Variants in XPO7 observed in about 807,000 individuals in gnomAD.
The protein encoded by XPO7 is exportin-7.
XPO7 carries 21 observed loss-of-function variants against 144.3 expected under a neutral mutation model. The ratio of observed to expected loss-of-function variants is 0.15; its 90% CI spans 0.10 to 0.21. The LOEUF (loss-of-function observed/expected upper bound fraction) is 0.21, where lower values mean the gene tolerates loss of function less well. Among genes scored for constraint, XPO7 ranks in the 10% least tolerant of loss-of-function variants. The pLI is 1.00. For synonymous variants in XPO7, 580 were observed against 499.6 expected (o/e 1.16, Z -2.15); for missense variants, 808 against 1,325.8 (o/e 0.61, Z 6.06).
chr8:21,930,898 A>G (rs777454014), intron 1 of XPO7, among the ~76,000 whole-genome samples: 7 of 152,114 alleles, frequency 4.6e-5, no homozygotes, highest in Non-Finnish European at 7.4e-5. Flanking sequence ...CAGTGTTGCG[A>G]TCTCCGATCT....
At chr8:21,975,695 G>A (rs1812203113) in intron 6 of XPO7, among the ~76,000 whole-genome samples, 1 of 152,198 alleles carries the variant, frequency 6.6e-6, no homozygotes, top group Admixed American at 6.5e-5. Context: ...CCCGCTGGAG[G>A]GGAAAAGCTT....
chr8:21,937,243 G>A (rs1666780714), intron 1 of XPO7, among the ~76,000 whole-genome samples: 1 of 152,162 alleles, frequency 6.6e-6, no homozygotes, highest in South Asian at 2.1e-4. Context: ...AAATGAATCA[G>A]TCTTATTTGG....
At chr8:21,941,007 G>A (rs1408832837) in intron 1 of XPO7, among the ~76,000 whole-genome samples, 1 of 152,144 alleles carries the variant, frequency 6.6e-6, no homozygotes, top group Admixed American at 6.5e-5. Context: ...GTAAATTACA[G>A]TCATGCCTTG....
chr8:21,953,838 C>A (rs1279813312), intron 1 of XPO7, among the ~76,000 whole-genome samples: 1 of 152,038 alleles, frequency 6.6e-6, no homozygotes, highest in African/African-American at 2.4e-5. Context: ...ATCTTTTTGA[C>A]TTTTTTAATT....
chr8:21,970,201 A>G lies in XPO7; in HGVS notation c.317A>G (p.Gln106Arg). The G allele has an allele frequency of 6.2e-7, 1 of 1,613,820 alleles. No homozygotes were observed. The highest frequency in any genetic ancestry group is 1.1e-5 in the South Asian group (1 of 91,076). ...CCGAAGTTGGCTACTTTCGTGACAC[A>G]AGCACTTATTCAGTTATATGCCAGA... is the stretch of plus-strand genomic sequence containing the variant. ...TRPKLATFVT[Q>R]ALIQLYARIT... The change falls in exon 4 of 28, where the codon CAA (glutamine) becomes CGA (arginine). Residue 106 changes from glutamine (Q) to arginine (R), a missense_variant. Transcript: ENST00000252512.
chr8:21,969,005 A>C (rs1320269412), intron 2 of XPO7, among the ~76,000 whole-genome samples: 1 of 152,224 alleles, frequency 6.6e-6, no homozygotes, highest in Non-Finnish European at 1.5e-5. Context: ...GAAAGATACA[A>C]TTTGGAGACA....
intron 1 of XPO7, among the ~76,000 whole-genome samples, chr8:21,939,422 T>C (rs1363172208): frequency 6.6e-6 from 1 of 152,142 alleles, no homozygotes; most frequent in Non-Finnish European, 1.5e-5. Flanking sequence ...AGTTTCTCCA[T>C]GTTGGTCAAG....
chr8:21,959,116 A>AC, intron 1 of XPO7, among the ~76,000 whole-genome samples: 1 of 152,236 alleles, frequency 6.6e-6, no homozygotes, highest in Non-Finnish European at 1.5e-5. Flanking sequence ...TTACAAATAC[A>AC]TTTTAGTGAG....
At chr8:21,975,224 C>T (rs1812190767) in intron 6 of XPO7, among the ~76,000 whole-genome samples, 1 of 152,166 alleles carries the variant, frequency 6.6e-6, no homozygotes. Context: ...TTCCCCTGTC[C>T]CCCGCTGAGT....
chr8:21,981,487 A>G (rs1283131374), intron 9 of XPO7, among the ~76,000 whole-genome samples: 3 of 152,222 alleles, frequency 2.0e-5, no homozygotes, highest in Non-Finnish European at 2.9e-5. Context: ...GAGGCTAATA[A>G]TGTCATCTCA....
intron 17 of XPO7, 191 bp from the exon 18 acceptor site, chr8:21,990,620 A>G (rs1168901385): frequency 4.3e-6 from 3 of 704,954 alleles, no homozygotes; most frequent in African/African-American, 3.6e-5. Context: ...ACCTACTGCT[A>G]CTCATACTGC....
At position 21,977,831 on chromosome 8, in the gene XPO7, A is replaced by C. The variant is rs1448280489; in HGVS notation, c.825A>C (p.Ser275=). The stretch of plus-strand genomic sequence containing the variant: ...ACCTGTATCATTCCATCCCTCCTTC[A>C]TTTTCACCTCTGGTGAGTCAGGACT... ...FFDLYHSIPP[S]FSPLVLSCLV... Residue 275 remains serine (S), a synonymous_variant, in exon 8 of 28, where the codon TCA becomes TCC. Coordinates refer to ENST00000252512, the MANE Select transcript of XPO7 (RefSeq NM_015024.5). The C allele has an allele frequency of 1.2e-6, 2 of 1,613,614 alleles. No individual in the cohort carries two copies. Among genetic ancestry groups the C allele is most frequent in the Non-Finnish European group, 1.7e-6 (2 of 1,179,804 alleles).
intron 1 of XPO7, among the ~76,000 whole-genome samples, chr8:21,964,794 C>G (rs765828982): frequency 3.9e-5 from 6 of 152,202 alleles, no homozygotes; most frequent in Non-Finnish European, 8.8e-5. Flanking sequence ...CTACCATAAC[C>G]TGCATGTAGG....
In XPO7 at chr8:21,969,458, G is replaced by A. The variant is rs773608026; in HGVS notation, c.166-25G>A. On this transcript the variant is annotated intron_variant, in intron 2 of 27. Coordinates refer to ENST00000252512, the MANE Select transcript of XPO7 (RefSeq NM_015024.5). ...ACTGGCTTACTCAATACAATTTTAA[G>A]TCCTTTTTCCCTCTCTTTTCACAGT... 2.5e-6 allele frequency: 4 copies of A among 1,592,240 alleles called. No individual in the cohort carries two copies. In the South Asian group the frequency reaches 3.3e-5, roughly 13 times the overall value.
At chr8:21,939,189 C>T (rs550022984) in intron 1 of XPO7, among the ~76,000 whole-genome samples, 12 of 151,060 alleles carry the variant, frequency 7.9e-5, no homozygotes, top group African/African-American at 2.9e-4. Flanking sequence ...CCATTGTTTT[C>T]AAGCAATAAT....
chr8:21,997,838 G>T (rs887069668), intron 21 of XPO7, among the ~76,000 whole-genome samples: 2 of 152,176 alleles, frequency 1.3e-5, no homozygotes, highest in Admixed American at 6.5e-5. Context: ...GATGGATTCA[G>T]TGTGGTGGGG....
At chr8:21,992,088 G>A (rs1467745006) in intron 19 of XPO7, 114 bp downstream of exon 19, 11 of 682,258 alleles carry the variant, frequency 1.6e-5, no homozygotes, top group African/African-American at 5.5e-5. Context: ...TAATGTCTTG[G>A]ACTTCTAGGG....
chr8:21,978,318 T>C (rs1168326291), intron 8 of XPO7, among the ~76,000 whole-genome samples: 2 of 152,230 alleles, frequency 1.3e-5, no homozygotes, highest in African/African-American at 4.8e-5. Flanking sequence ...AAAGCCATAA[T>C]TAACCTAAAA....
intron 11 of XPO7, among the ~76,000 whole-genome samples, chr8:21,983,507 A>G (rs1274132444): frequency 6.6e-6 from 1 of 152,220 alleles, no homozygotes; most frequent in Non-Finnish European, 1.5e-5. Flanking sequence ...TGCATTGAAT[A>G]GTCATGAGTT....
Sources: allele counts gnomAD v4.1 joint callset (sites outside exome capture counted in the v4.1 genomes callset), GRCh38; gene constraint gnomAD v4.1.1; transcripts MANE v1.5; gene names NCBI Gene and HGNC (gene_info 2026-07-23, HGNC 2026-07-21).